Variants in TAF2 observed in about 807,000 individuals in gnomAD.
The protein encoded by TAF2 is transcription initiation factor TFIID subunit 2.
Under a neutral mutation model 138.5 loss-of-function variants are expected in TAF2, and 61 were observed. That is an observed-to-expected ratio of 0.44 (90% CI 0.36 to 0.54). The LOEUF is 0.54. Among genes scored for constraint, TAF2 ranks in the 20% least tolerant of loss-of-function variants. The probability of loss-of-function intolerance (pLI) is 0.00; values close to 1 mark genes in which losing one functional copy is unlikely to be tolerated. For missense variants in TAF2, 1,090 were observed against 1,427.9 expected (o/e 0.76, Z 3.81); for synonymous variants, 475 against 469.9 (o/e 1.01, Z -0.14).
At chr8:119,765,954 C>T (rs890658440) in intron 18 of TAF2, among the ~76,000 whole-genome samples, 1 of 152,074 alleles carries the variant, frequency 6.6e-6, no homozygotes, top group South Asian at 2.1e-4. Flanking sequence ...AGATGACACA[C>T]GTTTTTCAGG....
intron 3 of TAF2, 69 bp downstream of exon 3, chr8:119,819,277 C>T (rs1006994270): frequency 1.2e-5 from 18 of 1,512,526 alleles, no homozygotes; most frequent in Non-Finnish European, 1.5e-5. Context: ...TTGAGAAAAA[C>T]TAATCCAATC....
In TAF2 at chr8:119,758,120, C is replaced by A; in HGVS notation, c.2721G>T (p.Leu907=). The A allele has an allele frequency of 6.2e-7, 1 of 1,612,824 alleles. No individual in the cohort carries two copies. The highest frequency in any genetic ancestry group is 8.5e-7 in the Non-Finnish European group (1 of 1,179,434). Reference sequence around the variant, plus strand: ...TCTGAATCATATTAAGTAGCCATTGCAGTTCTTCATAACTTCTGTCCACTG... The same window carrying A: ...TCTGAATCATATTAAGTAGCCATTGAAGTTCTTCATAACTTCTGTCCACTG... ...YTKVDRSYEE[L]QWLLNMIQND... Residue 907 remains leucine (L), a synonymous_variant, in exon 21 of 26, where the codon CTG becomes CTT. Transcript: ENST00000378164.
At chr8:119,793,742 A>G (rs1426248561) in intron 9 of TAF2, among the ~76,000 whole-genome samples, 4 of 152,138 alleles carry the variant, frequency 2.6e-5, no homozygotes, top group Non-Finnish European at 5.9e-5. Context: ...GCTGTCTCCA[A>G]GTTTATTTTT....
chr8:119,758,520 C>A (rs1302210707), intron 20 of TAF2, among the ~76,000 whole-genome samples: 1 of 152,170 alleles, frequency 6.6e-6, no homozygotes, highest in Non-Finnish European at 1.5e-5. Context: ...AGAGGTTTGA[C>A]ACTCAATGGT....
chr8:119,734,438 T>C (rs1819083718), intron 25 of TAF2, among the ~76,000 whole-genome samples: 1 of 152,180 alleles, frequency 6.6e-6, no homozygotes, highest in Non-Finnish European at 1.5e-5. Flanking sequence ...CCACAGAAGC[T>C]TTCTAAAAAT....
rs1820004831 is a variant in TAF2, at chr8:119,746,771, T to C, written c.3042A>G (p.Val1014=). 1.3e-5 allele frequency: 21 copies of C among 1,614,204 alleles called. No homozygotes were observed. The highest frequency in any genetic ancestry group is 1.8e-5 in the Non-Finnish European group (21 of 1,180,018). Residue 1014 remains valine, a synonymous_variant, in exon 23 of 26, where the codon GTA becomes GTG. Transcript: ENST00000378164. The part of the protein sequence containing the change: ...VLNPTIIPES[V]AGNQEAANNP... The stretch of plus-strand genomic sequence containing the variant: ...TATTTGCAGCTTCTTGGTTGCCTGC[T>C]ACTGACTCTGGAATTATGGTAGGAT...
intron 18 of TAF2, 34 bp from the exon 19 acceptor site, chr8:119,762,642 A>G (rs986185730): frequency 1.3e-6 from 2 of 1,556,788 alleles, no homozygotes; most frequent in Admixed American, 3.4e-5. Flanking sequence ...AAGATAACAA[A>G]ATTAACTCTT....
chr8:119,750,633 T>C (rs1243316811), intron 22 of TAF2, among the ~76,000 whole-genome samples: 1 of 152,236 alleles, frequency 6.6e-6, no homozygotes, highest in Non-Finnish European at 1.5e-5. Flanking sequence ...CAATATGTTT[T>C]CATTTTCTTC....
At chr8:119,735,601 T>G (rs1819172737) in intron 25 of TAF2, among the ~76,000 whole-genome samples, 1 of 152,198 alleles carries the variant, frequency 6.6e-6, no homozygotes, top group Non-Finnish European at 1.5e-5. Context: ...TTCATAAACT[T>G]TGTAATAAAG....
chr8:119,815,214 G>A (rs533544168), intron 3 of TAF2, among the ~76,000 whole-genome samples: 5 of 151,758 alleles, frequency 3.3e-5, no homozygotes, highest in Admixed American at 2.6e-4. Flanking sequence ...CCTGGGAGGC[G>A]GAGGTTGCAG....
At position 119,735,662 on chromosome 8, in the gene TAF2, C is replaced by T. The variant is rs75078624; in HGVS notation, c.3338-3476G>A. Among the ~76,000 whole-genome samples, 1,144 of 152,210 alleles carry T rather than the reference C, an allele frequency of 7.5e-3. 17 individuals carry two copies. The highest frequency in any genetic ancestry group is 0.026 in the African/African-American group (1,084 of 41,540). ...TAAACATATTATTTATATATACAGA[C>T]AAGTTTGGAGAACTGTATCTTCTGT... On this transcript the variant is annotated intron_variant, in intron 25 of 25. Coordinates refer to ENST00000378164, the MANE Select transcript of TAF2 (RefSeq NM_003184.4).
chr8:119,831,628 T>C, intron 2 of TAF2, 49 bp downstream of exon 2: 2 of 1,391,138 alleles, frequency 1.4e-6, no homozygotes, highest in Non-Finnish European at 1.0e-6. Context: ...GGATTGTTAC[T>C]CTTTATAGTG....
intron 2 of TAF2, among the ~76,000 whole-genome samples, chr8:119,825,506 T>C (rs1383172640): frequency 6.6e-6 from 1 of 152,130 alleles, no homozygotes; most frequent in Non-Finnish European, 1.5e-5. Context: ...ATGTGAGGGC[T>C]TAAGATTTGG....
At chr8:119,828,098 G>C (rs931063728) in intron 2 of TAF2, among the ~76,000 whole-genome samples, 1 of 151,960 alleles carries the variant, frequency 6.6e-6, no homozygotes, top group African/African-American at 2.4e-5. Flanking sequence ...GACAGGTCTT[G>C]AACTCCTGAC....
At chr8:119,830,175 G>A (rs1224250595) in intron 2 of TAF2, among the ~76,000 whole-genome samples, 1 of 152,052 alleles carries the variant, frequency 6.6e-6, no homozygotes, top group Non-Finnish European at 1.5e-5. Flanking sequence ...TGGGACTACA[G>A]GTGTGAGCCA....
chr8:119,754,487 A>C (rs1192375766), intron 22 of TAF2, among the ~76,000 whole-genome samples: 1 of 152,204 alleles, frequency 6.6e-6, no homozygotes, highest in Non-Finnish European at 1.5e-5. Context: ...GTTCAAGACC[A>C]GCCTGGCCAA....
At position 119,735,224 on chromosome 8, in the gene TAF2, G is replaced by A. The variant is rs1338804481; in HGVS notation, c.3338-3038C>T. Among the ~76,000 whole-genome samples, 4 of 152,146 alleles carry A rather than the reference G, an allele frequency of 2.6e-5. No individual in the cohort carries two copies. In the East Asian group the frequency reaches 7.7e-4, roughly 29 times the overall value. ...TTAAACTGATAGCCTCTTGAGGACA[G>A]GAAGTTTGTCTTTTTCGTCTTTGTG... On this transcript the variant is annotated intron_variant, in intron 25 of 25. Transcript: ENST00000378164.
At chr8:119,764,440 T>C (rs1195004419) in intron 18 of TAF2, among the ~76,000 whole-genome samples, 2 of 152,190 alleles carry the variant, frequency 1.3e-5, no homozygotes, top group South Asian at 2.1e-4. Flanking sequence ...TAATGAAGTA[T>C]AAAATTTAAT....
chr8:119,799,662 T>C (rs1824104068), intron 6 of TAF2, among the ~76,000 whole-genome samples: 1 of 152,222 alleles, frequency 6.6e-6, no homozygotes, highest in Admixed American at 6.5e-5. Flanking sequence ...TTTGGGTATA[T>C]ACCCAGTAAT....
Sources: gnomAD v4.1 joint callset for allele counts (sites outside exome capture counted in the v4.1 genomes callset) on GRCh38, gnomAD v4.1.1 for gene constraint, MANE v1.5 for transcripts, NCBI Gene and HGNC (gene_info 2026-07-23, HGNC 2026-07-21) for gene names.